Variants in RORB observed in about 807,000 individuals in gnomAD.
RORB encodes the protein nuclear receptor ROR-beta.
RORB carries 6 observed loss-of-function variants against 59.1 expected under a neutral mutation model. The ratio of observed to expected loss-of-function variants is 0.10; its 90% CI spans 0.06 to 0.20. The LOEUF (loss-of-function observed/expected upper bound fraction) is 0.20. Ranked by LOEUF, RORB falls within the 10% of genes least tolerant of loss-of-function variation. The pLI is 1.00. For missense variants in RORB, 320 were observed against 560.5 expected (o/e 0.57, Z 4.33); for synonymous variants, 215 against 204.5 (o/e 1.05, Z -0.44).
chr9:74,513,536 T>A (rs1033164521), intron 1 of RORB, among the ~76,000 whole-genome samples: 4 of 152,018 alleles, frequency 2.6e-5, no homozygotes, highest in Non-Finnish European at 5.9e-5. Context: ...GAATTTTAAC[T>A]CAGAACCTGT....
At chr9:74,680,811 G>T (rs1462303161) in intron 9 of RORB, among the ~76,000 whole-genome samples, 2 of 152,060 alleles carry the variant, frequency 1.3e-5, no homozygotes, top group Non-Finnish European at 2.9e-5. Flanking sequence ...CTTTAGGCTG[G>T]AGGGCATCTT....
At chr9:74,517,872 T>C (rs955030175) in intron 1 of RORB, among the ~76,000 whole-genome samples, 7 of 152,066 alleles carry the variant, frequency 4.6e-5, no homozygotes, top group African/African-American at 1.4e-4. Context: ...TGAAAGGCAC[T>C]GTGCTAAATA....
intron 1 of RORB, among the ~76,000 whole-genome samples, chr9:74,608,337 G>A (rs866312409): frequency 5.9e-5 from 9 of 151,968 alleles, no homozygotes; most frequent in Middle Eastern, 3.2e-3. Context: ...AGGCCGAGGC[G>A]GGCGGATCAT....
At chr9:74,602,749 T>G (rs1224510149) in intron 1 of RORB, among the ~76,000 whole-genome samples, 1 of 152,232 alleles carries the variant, frequency 6.6e-6, no homozygotes, top group Non-Finnish European at 1.5e-5. Context: ...TCTCCTGCTC[T>G]GTAGAGAAAT....
In RORB at chr9:74,497,788, T is replaced by C. The variant is rs1433361865; in HGVS notation, c.-189T>C. The stretch of plus-strand genomic sequence containing the variant: ...ACAGTCACCACCAACATCAAAACTG[T>C]TAACATAGCGGCGGCGGCGGCAAAC... On this transcript the variant is annotated 5_prime_UTR_variant, in exon 1 of 10. Transcript: ENST00000376896. The C allele has an allele frequency of 3.3e-6, 2 of 612,342 alleles. No homozygotes were observed. Among genetic ancestry groups the C allele is most frequent in the Non-Finnish European group, 5.9e-6 (2 of 341,024 alleles). The allele number at this position is 612,342 out of a possible 1,614,324, so 37.9% of individuals were successfully genotyped here. A position where few individuals can be genotyped will look rare whatever the true frequency, so the allele number is the denominator to read the frequency against.
chr9:74,655,169 G>A (rs1041249480), intron 4 of RORB, among the ~76,000 whole-genome samples: 3 of 152,152 alleles, frequency 2.0e-5, no homozygotes, highest in Admixed American at 2.0e-4. Context: ...AACACATGTA[G>A]GGAATCTTAA....
At chr9:74,646,322 A>G (rs1487231562) in intron 4 of RORB, among the ~76,000 whole-genome samples, 1 of 152,124 alleles carries the variant, frequency 6.6e-6, no homozygotes, top group Non-Finnish European at 1.5e-5. Context: ...ATGAGTTTGA[A>G]ATTTTTGATA....
chr9:74,635,139 C>T (rs1472585530), intron 3 of RORB, among the ~76,000 whole-genome samples: 4 of 152,148 alleles, frequency 2.6e-5, no homozygotes, highest in African/African-American at 9.7e-5. Flanking sequence ...ACCAGGACCA[C>T]ATCTGAGTAT....
At chr9:74,549,620 GGAAGGAAGAAAGGAA>G (rs1826572245) in intron 1 of RORB, among the ~76,000 whole-genome samples, 1 of 98,834 alleles carries the variant, frequency 1.0e-5, no homozygotes, top group African/African-American at 4.1e-5. Flanking sequence ...AAGGAAGGAA[GGAAGGAAGAAAGGAA>G]AGAAAGAAAG....
At chr9:74,649,436 G>T (rs140057669) in intron 4 of RORB, among the ~76,000 whole-genome samples, 1 of 152,172 alleles carries the variant, frequency 6.6e-6, no homozygotes, top group Non-Finnish European at 1.5e-5. Flanking sequence ...CCCAGTTTGG[G>T]GCCAATTTGT....
At chr9:74,599,528 A>T (rs1416554756) in intron 1 of RORB, among the ~76,000 whole-genome samples, 1 of 152,194 alleles carries the variant, frequency 6.6e-6, no homozygotes, top group African/African-American at 2.4e-5. Flanking sequence ...ATCCTAACTA[A>T]TAGTAATACT....
At chr9:74,572,214 A>G (rs1406958075) in intron 1 of RORB, among the ~76,000 whole-genome samples, 1 of 152,202 alleles carries the variant, frequency 6.6e-6, no homozygotes, top group Non-Finnish European at 1.5e-5. Context: ...GGAAGCATAG[A>G]TAACATTTAT....
rs539381122 is a variant in RORB at position 74,595,547 on chromosome 9, C to T, written c.8-34735C>T. 2.5e-4 allele frequency among the ~76,000 whole-genome samples: 38 copies of T among 152,254 alleles called. No individual in the cohort carries two copies. In the East Asian group the frequency reaches 3.9e-3, roughly 15 times the overall value. On this transcript the variant is annotated intron_variant, in intron 1 of 9. Transcript: ENST00000376896. ...CTGTCTGCCAATTAAAGCATTAGAT[C>T]GATGAGGTGGAGAGAGCACAGTGTT...
intron 3 of RORB, among the ~76,000 whole-genome samples, chr9:74,641,680 CACTTGAGGCCAG>C (rs1823808828): frequency 6.6e-6 from 1 of 151,882 alleles, no homozygotes; most frequent in Non-Finnish European, 1.5e-5. Flanking sequence ...ACAGGAGGCT[CACTTGAGGCCAG>C]GAGTTCAAGA....
At chr9:74,628,741 A>G (rs931760280) in intron 1 of RORB, among the ~76,000 whole-genome samples, 19 of 152,188 alleles carry the variant, frequency 1.2e-4, no homozygotes, top group Admixed American at 8.5e-4. Flanking sequence ...TTTGAAGTAT[A>G]TTTTGCATAA....
chr9:74,545,949 T>TAAAA (rs778992569), intron 1 of RORB, among the ~76,000 whole-genome samples: 1 of 152,150 alleles, frequency 6.6e-6, no homozygotes, highest in Non-Finnish European at 1.5e-5. Context: ...TGCAAAGGCG[T>TAAAA]AAAAATAAAA....
chr9:74,549,791 G>A (rs1332320322), intron 1 of RORB, among the ~76,000 whole-genome samples: 1 of 151,958 alleles, frequency 6.6e-6, no homozygotes, highest in Admixed American at 6.6e-5. Flanking sequence ...GCAGTGGCGC[G>A]ATCTGGGCTC....
chr9:74,629,865 A>T (rs1455970907), intron 1 of RORB, among the ~76,000 whole-genome samples: 1 of 152,164 alleles, frequency 6.6e-6, no homozygotes, highest in Non-Finnish European at 1.5e-5. Flanking sequence ...TTATTTATGT[A>T]TTTATTTTAA....
intron 1 of RORB, among the ~76,000 whole-genome samples, chr9:74,603,947 T>C (rs917509306): frequency 2.6e-5 from 4 of 152,232 alleles, no homozygotes; most frequent in Non-Finnish European, 4.4e-5. Context: ...CTAACTATTA[T>C]GCTAAAAGGA....
Sources: gnomAD v4.1 joint callset for allele counts (sites outside exome capture counted in the v4.1 genomes callset) on GRCh38, gnomAD v4.1.1 for gene constraint, MANE v1.5 for transcripts, NCBI Gene and HGNC (gene_info 2026-07-23, HGNC 2026-07-21) for gene names.